Variants in PTPRD observed in about 807,000 individuals in gnomAD.
PTPRD encodes receptor-type tyrosine-protein phosphatase delta.
In PTPRD, 34 loss-of-function variants were observed where a neutral mutation model predicts 214.5. The observed-to-expected ratio is 0.16, with a 90% CI of 0.12 to 0.21. PTPRD has a LOEUF of 0.21. Ranked by LOEUF, PTPRD falls within the 10% of genes least tolerant of loss-of-function variation. The pLI, the probability that PTPRD is intolerant of heterozygous loss-of-function variation, is 1.00. For synonymous variants in PTPRD, 1,128 were observed against 845.7 expected (o/e 1.33, Z -5.79); for missense variants, 2,545 against 2,398.7 (o/e 1.06, Z -1.27).
At chr9:9,837,107 T>C (rs548023767) in intron 5 of PTPRD, among the ~76,000 whole-genome samples, 3 of 152,280 alleles carry the variant, frequency 2.0e-5, no homozygotes, top group African/African-American at 7.2e-5. Flanking sequence ...AGAGTAAATA[T>C]TCACTTCACT....
At chr9:8,546,644 G>A (rs557223267) in intron 14 of PTPRD, among the ~76,000 whole-genome samples, 159 of 152,024 alleles carry the variant, frequency 1.0e-3, no homozygotes, top group Non-Finnish European at 1.7e-3. Context: ...GATTACAGGC[G>A]TGCGCCACCA....
intron 21 of PTPRD, among the ~76,000 whole-genome samples, chr9:8,512,007 T>C (rs1286881292): frequency 6.6e-6 from 1 of 152,102 alleles, no homozygotes; most frequent in African/African-American, 2.4e-5. Context: ...ATGTAGAGAT[T>C]ATCTCTAAAG....
chr9:9,303,091 C>A (rs1374740307), intron 9 of PTPRD, among the ~76,000 whole-genome samples: 1 of 151,810 alleles, frequency 6.6e-6, no homozygotes, highest in Non-Finnish European at 1.5e-5. Flanking sequence ...AAGGCATTAG[C>A]ACAAAAATTA....
At chr9:8,761,823 G>C (rs1488682783) in intron 11 of PTPRD, among the ~76,000 whole-genome samples, 1 of 152,144 alleles carries the variant, frequency 6.6e-6, no homozygotes, top group African/African-American at 2.4e-5. Context: ...CCACAGTAGT[G>C]GAAGAAGGAA....
At chr9:9,689,366 G>A (rs897122058) in intron 7 of PTPRD, among the ~76,000 whole-genome samples, 1 of 151,698 alleles carries the variant, frequency 6.6e-6, no homozygotes, top group Non-Finnish European at 1.5e-5. Context: ...AAATATATAT[G>A]CATTTTACTT....
At chr9:8,488,687 A>G (rs2097088391) in intron 27 of PTPRD, among the ~76,000 whole-genome samples, 1 of 152,192 alleles carries the variant, frequency 6.6e-6, no homozygotes, top group Admixed American at 6.5e-5. Context: ...TAGTACTTTA[A>G]TGTAGGGACA....
At chr9:10,459,779 C>CG (rs2098945139) in intron 2 of PTPRD, among the ~76,000 whole-genome samples, 1 of 150,944 alleles carries the variant, frequency 6.6e-6, no homozygotes, top group Admixed American at 6.6e-5. Flanking sequence ...TATTTAAGTT[C>CG]CTTGTGGATT....
In PTPRD at chr9:10,045,923, T is replaced by C. The variant is rs542288243; in HGVS notation, c.-544-12133A>G. Among the ~76,000 whole-genome samples, 3 of 151,896 alleles carry C rather than the reference T, an allele frequency of 2.0e-5. No individual in the cohort carries two copies. The South Asian group carries it at 6.2e-4, about 31-fold the overall frequency. On this transcript the variant is annotated intron_variant, in intron 3 of 45. Coordinates refer to ENST00000381196, the MANE Select transcript of PTPRD (RefSeq NM_002839.4). Reference sequence around the variant, plus strand: ...TCATGATGTTTTCAATTTTCTATAATATTGGGGAAAATCGTCAATTAAAAC... The same window carrying C: ...TCATGATGTTTTCAATTTTCTATAACATTGGGGAAAATCGTCAATTAAAAC...
intron 30 of PTPRD, among the ~76,000 whole-genome samples, chr9:8,471,307 T>C (rs138072500): frequency 3.9e-4 from 59 of 152,212 alleles, no homozygotes; most frequent in African/African-American, 1.4e-3. Flanking sequence ...TATGGTAATA[T>C]CATCATGGTG....
chr9:10,194,074 G>A (rs182021491), intron 3 of PTPRD, among the ~76,000 whole-genome samples: 4 of 151,944 alleles, frequency 2.6e-5, no homozygotes, highest in Non-Finnish European at 1.5e-5. Context: ...TACGTACTCA[G>A]TATTCAAAGC....
At chr9:9,305,254 A>G (rs1343564666) in intron 9 of PTPRD, among the ~76,000 whole-genome samples, 1 of 151,850 alleles carries the variant, frequency 6.6e-6, no homozygotes, top group Non-Finnish European at 1.5e-5. Flanking sequence ...CATTGTAGAT[A>G]TTTACTTTTT....
intron 7 of PTPRD, among the ~76,000 whole-genome samples, chr9:9,689,918 A>G (rs1564561564): frequency 1.3e-5 from 2 of 151,778 alleles, no homozygotes; most frequent in Admixed American, 1.3e-4. Flanking sequence ...TCTATATTTA[A>G]CTACTGTGAA....
At chr9:9,039,251 G>A (rs2099631728) in intron 10 of PTPRD, among the ~76,000 whole-genome samples, 1 of 152,182 alleles carries the variant, frequency 6.6e-6, no homozygotes, top group East Asian at 1.9e-4. Flanking sequence ...AGGACTGTTA[G>A]CTAGCAATGG....
chr9:10,103,272 T>A (rs1435891701), intron 3 of PTPRD, among the ~76,000 whole-genome samples: 1 of 150,938 alleles, frequency 6.6e-6, no homozygotes, highest in Non-Finnish European at 1.5e-5. Context: ...TTTTCATAAC[T>A]ATCTATATAT....
rs573173899 is a variant in PTPRD, at chr9:9,907,723, G to A, written c.-368+30784C>T. Among the ~76,000 whole-genome samples the A allele has an allele frequency of 3.9e-5, 6 of 151,988 alleles. No individual in the cohort carries two copies. In the South Asian group the frequency reaches 1.2e-3, roughly 32 times the overall value. ...ACACTAACCAATTTCAGAAAATACT[G>A]TCATTCCTAACATAGCCACCATTTA... On this transcript the variant is annotated intron_variant, in intron 5 of 45. Coordinates refer to ENST00000381196, the MANE Select transcript of PTPRD (RefSeq NM_002839.4).
intron 7 of PTPRD, among the ~76,000 whole-genome samples, chr9:9,685,337 A>G (rs919154397): frequency 1.3e-5 from 2 of 151,186 alleles, no homozygotes; most frequent in East Asian, 1.9e-4. Flanking sequence ...ATATATGCAC[A>G]TATACACTTA....
intron 9 of PTPRD, among the ~76,000 whole-genome samples, chr9:9,216,384 C>A (rs560472006): frequency 6.6e-6 from 1 of 152,134 alleles, no homozygotes; most frequent in Non-Finnish European, 1.5e-5. Flanking sequence ...CTACTTGCTT[C>A]GCAGGGTTAC....
At chr9:8,382,852 C>T (rs1463420885) in intron 37 of PTPRD, among the ~76,000 whole-genome samples, 1 of 152,222 alleles carries the variant, frequency 6.6e-6, no homozygotes, top group Non-Finnish European at 1.5e-5. Flanking sequence ...ATAGGCAGCA[C>T]TTTAGGCTGC....
chr9:10,378,000 G>A (rs1460939614), intron 2 of PTPRD, among the ~76,000 whole-genome samples: 1 of 151,954 alleles, frequency 6.6e-6, no homozygotes, highest in Non-Finnish European at 1.5e-5. Context: ...TCTCCATAGT[G>A]GTCGTATTAA....
Sources: gnomAD v4.1 joint callset for allele counts (sites outside exome capture counted in the v4.1 genomes callset) on GRCh38, gnomAD v4.1.1 for gene constraint, MANE v1.5 for transcripts, NCBI Gene and HGNC (gene_info 2026-07-23, HGNC 2026-07-21) for gene names.